The following NSG2 variants were observed in gnomAD, a reference collection of about 807,000 sequenced individuals.
NSG2 encodes neuronal vesicle trafficking associated 2, also known as neuronal vesicle trafficking-associated protein 2.
NSG2 carries 4 observed loss-of-function variants against 16.9 expected under a neutral mutation model. The observed-to-expected ratio is 0.24, with a 90% CI of 0.12 to 0.54. The LOEUF is 0.54. NSG2 is among the 20% of genes least tolerant of loss of function. The pLI is 0.95. For synonymous variants in NSG2, 98 were observed against 88.7 expected (o/e 1.11, Z -0.59); for missense variants, 179 against 221.1 (o/e 0.81, Z 1.21).
At chr5:174,054,882 A>G (rs2113422998) in intron 2 of NSG2, among the ~76,000 whole-genome samples, 1 of 152,330 alleles carries the variant, frequency 6.6e-6, no homozygotes, top group East Asian at 1.9e-4. Flanking sequence ...TGAGTTTATT[A>G]ACCACTTTGA....
chr5:174,059,641 A>G (rs907839348), intron 2 of NSG2, among the ~76,000 whole-genome samples: 2 of 152,200 alleles, frequency 1.3e-5, no homozygotes, highest in African/African-American at 4.8e-5. Flanking sequence ...ATTTGCCCCT[A>G]TAACTGTGGA....
chr5:174,077,773 G>A (rs1760372564), intron 3 of NSG2, among the ~76,000 whole-genome samples: 1 of 152,062 alleles, frequency 6.6e-6, no homozygotes, highest in Non-Finnish European at 1.5e-5. Flanking sequence ...GAAAGCCTGG[G>A]CTCTTGCGGA....
At chr5:174,060,546 A>C (rs1024830807) in intron 2 of NSG2, among the ~76,000 whole-genome samples, 1 of 152,182 alleles carries the variant, frequency 6.6e-6, no homozygotes, top group East Asian at 1.9e-4. Flanking sequence ...GCTGTGTGAC[A>C]AATTACCAAA....
rs556582697 is a variant in NSG2 at position 174,107,718 on chromosome 5, C to T, written c.*213C>T. Reference sequence around the variant, plus strand: ...TTGTTCCTTGGTATTGTTGATTCGTCGCCGAGTCAGGCTCATGTACAAAGG... The same window carrying T: ...TTGTTCCTTGGTATTGTTGATTCGTTGCCGAGTCAGGCTCATGTACAAAGG... On this transcript the variant is annotated 3_prime_UTR_variant, in exon 5 of 5. Coordinates refer to ENST00000303177, the MANE Select transcript of NSG2 (RefSeq NM_015980.5). The surrounding 1 kb of genome is among the most constrained non-coding windows in gnomAD (Gnocchi z 4.5). 8.5e-5 allele frequency: 59 copies of T among 698,168 alleles called. 1 individual carries two copies. The highest frequency in any genetic ancestry group is 7.5e-4 in the African/African-American group (43 of 57,248). The allele number at this position is 698,168 out of a possible 1,614,324, so 43.2% of individuals were successfully genotyped here. A position where few individuals can be genotyped will look rare whatever the true frequency, so the allele number is the denominator to read the frequency against.
chr5:174,075,097 A>G (rs1229620029), intron 3 of NSG2, among the ~76,000 whole-genome samples: 1 of 152,230 alleles, frequency 6.6e-6, no homozygotes, highest in East Asian at 1.9e-4. Context: ...AATTATTTGC[A>G]GTAATAAATA....
At chr5:174,069,748 GTGAC>G (rs1760202475) in intron 3 of NSG2, among the ~76,000 whole-genome samples, 1 of 152,104 alleles carries the variant, frequency 6.6e-6, no homozygotes, top group Non-Finnish European at 1.5e-5. Context: ...CCCTGGGAAT[GTGAC>G]TGGGAGAACC....
At chr5:174,054,357 A>G (rs562286568) in intron 2 of NSG2, among the ~76,000 whole-genome samples, 2 of 152,232 alleles carry the variant, frequency 1.3e-5, no homozygotes, top group East Asian at 3.9e-4. Flanking sequence ...TTTGTTTTTA[A>G]CCATAAGAAT....
At chr5:174,055,012 C>T (rs1198453940) in intron 2 of NSG2, among the ~76,000 whole-genome samples, 8 of 152,150 alleles carry the variant, frequency 5.3e-5, no homozygotes, top group East Asian at 1.9e-4. Context: ...CTTAATGCAA[C>T]GGAGTAATTA....
intron 3 of NSG2, among the ~76,000 whole-genome samples, chr5:174,080,338 A>C (rs1760427222): frequency 6.7e-6 from 1 of 149,488 alleles, no homozygotes; most frequent in Non-Finnish European, 1.5e-5. Context: ...ATATAACCCT[A>C]TATATAAATT....
At chr5:174,047,757 G>C (rs1759821991) in intron 2 of NSG2, among the ~76,000 whole-genome samples, 1 of 152,196 alleles carries the variant, frequency 6.6e-6, no homozygotes, top group South Asian at 2.1e-4. Context: ...TGGGATGGGG[G>C]TTATGGACAC....
intron 3 of NSG2, among the ~76,000 whole-genome samples, chr5:174,095,194 A>G (rs991991584): frequency 6.6e-6 from 1 of 152,178 alleles, no homozygotes; most frequent in Non-Finnish European, 1.5e-5. Flanking sequence ...ATGGCAGACA[A>G]TATGGGGGAA....
At chr5:174,087,787 C>CAA (rs552111181) in intron 3 of NSG2, among the ~76,000 whole-genome samples, 36 of 131,690 alleles carry the variant, frequency 2.7e-4, no homozygotes, top group East Asian at 8.9e-4. Flanking sequence ...GACCCTGTGT[C>CAA]AAAAAAAAAA....
chr5:174,088,496 T>C (rs1169124814), intron 3 of NSG2, among the ~76,000 whole-genome samples: 1 of 152,228 alleles, frequency 6.6e-6, no homozygotes, highest in Non-Finnish European at 1.5e-5. Flanking sequence ...TTCTCAGATA[T>C]GTGCATGAGT....
At chr5:174,095,862 T>C (rs1760788259) in intron 3 of NSG2, among the ~76,000 whole-genome samples, 1 of 152,250 alleles carries the variant, frequency 6.6e-6, no homozygotes, top group African/African-American at 2.4e-5. Context: ...TTATGCCCAA[T>C]GTGTGCAGTT....
chr5:174,103,040 C>T (rs950360895), intron 3 of NSG2, among the ~76,000 whole-genome samples: 8 of 150,598 alleles, frequency 5.3e-5, no homozygotes, highest in Admixed American at 2.7e-4. Flanking sequence ...CTTCCTACCT[C>T]GGCCTCCCAA....
At chr5:174,080,485 TTCTTTCTTTCCC>T (rs1355093944) in intron 3 of NSG2, among the ~76,000 whole-genome samples, 1 of 150,410 alleles carries the variant, frequency 6.6e-6, no homozygotes, top group Non-Finnish European at 1.5e-5. Flanking sequence ...CTTTCCCTCT[TTCTTTCTTTCCC>T]TCTTTCTTTC....
At chr5:174,065,664 G>A (rs1760126923) in intron 3 of NSG2, among the ~76,000 whole-genome samples, 1 of 152,168 alleles carries the variant, frequency 6.6e-6, no homozygotes, top group Non-Finnish European at 1.5e-5. Flanking sequence ...AGATAAGGGT[G>A]GCCAGTGGGT....
chr5:174,085,402 C>T (rs1760591787), intron 3 of NSG2, among the ~76,000 whole-genome samples: 1 of 152,182 alleles, frequency 6.6e-6, no homozygotes. Context: ...TCCCACCTCA[C>T]ACTGGTTCTC....
chr5:174,052,828 T>G (rs1759913776), intron 2 of NSG2, among the ~76,000 whole-genome samples: 1 of 152,104 alleles, frequency 6.6e-6, no homozygotes, highest in Admixed American at 6.5e-5. Flanking sequence ...GGGTGGCAGG[T>G]GTGCAGAAAG....
Sources: allele counts gnomAD v4.1 joint callset (sites outside exome capture counted in the v4.1 genomes callset), GRCh38; gene constraint gnomAD v4.1.1; non-coding constraint Gnocchi (gnomAD v3.1); transcripts MANE v1.5; gene names NCBI Gene and HGNC (gene_info 2026-07-23, HGNC 2026-07-21).